The following BSN variants were observed in gnomAD, a reference collection of about 807,000 sequenced individuals.
BSN encodes protein bassoon.
Under a neutral mutation model 264.8 loss-of-function variants are expected in BSN, and 57 were observed. The observed-to-expected ratio is 0.22, with a 90% CI of 0.17 to 0.27. The LOEUF (loss-of-function observed/expected upper bound fraction) is 0.27. Ranked by LOEUF, BSN falls within the 10% of genes least tolerant of loss-of-function variation. The pLI is 1.00. For synonymous variants in BSN, 2,059 were observed against 2,137.3 expected, an observed-to-expected ratio of 0.96 and a Z score of 1.01; for missense variants, 4,615 against 5,232.5, an observed-to-expected ratio of 0.88 and a Z score of 3.64.
In BSN at chr3:49,662,487, C is replaced by T; in HGVS notation, c.10642C>T (p.Pro3548Ser). The stretch of plus-strand genomic sequence containing the variant: ...TGTCCAGGAACATGTCAAGGACGGA[C>T]CTCGGGCCCACGCATATAAGCGTGA... Reference protein sequence around the residue: ...PDVQEHVKDGPRAHAYKREEG... With the variant: ...PDVQEHVKDGSRAHAYKREEG... Residue 3548 changes from proline to serine, a missense_variant, in exon 6 of 12, where the codon CCT (proline) becomes TCT (serine). Pro to Ser is a moderately conservative substitution (Grantham distance 74). This residue lies in a region of BSN where 3,415 missense variants were observed against 3,866.4 expected (regional missense o/e 0.88). Coordinates refer to ENST00000296452, the MANE Select transcript of BSN (RefSeq NM_003458.4). 1 of 1,613,570 alleles carries T rather than the reference C, an allele frequency of 6.2e-7. No individual in the cohort carries two copies. Among genetic ancestry groups the T allele is most frequent in the Non-Finnish European group, 8.5e-7 (1 of 1,179,976 alleles).
chr3:49,579,136 C>T (rs1400227837), intron 1 of BSN, among the ~76,000 whole-genome samples: 3 of 151,834 alleles, frequency 2.0e-5, no homozygotes, highest in African/African-American at 7.3e-5. Flanking sequence ...TACAGGCATG[C>T]ACCACCATGC....
chr3:49,587,590 G>GA (rs2051945982), intron 1 of BSN, among the ~76,000 whole-genome samples: 1 of 152,236 alleles, frequency 6.6e-6, no homozygotes, highest in African/African-American at 2.4e-5. Flanking sequence ...GAGCAGGCTA[G>GA]AGCAAGCAGC....
rs769940614 is a variant in BSN, at chr3:49,658,084, T to C, written c.8528T>C (p.Met2843Thr). Reference sequence around the variant, plus strand: ...CGCCAGCAGACGCTGCCTCGCCCCATGAAGACCCTGCAGCGGTCCCTGTCT... The same window carrying C: ...CGCCAGCAGACGCTGCCTCGCCCCACGAAGACCCTGCAGCGGTCCCTGTCT... Reference protein sequence around the residue: ...ALRQQTLPRPMKTLQRSLSDP... With the variant: ...ALRQQTLPRPTKTLQRSLSDP... The change falls in exon 5 of 12, where the codon ATG becomes ACG. Residue 2843 changes from methionine to threonine, a missense_variant. Physicochemically the swap from Met to Thr is moderately conservative, Grantham distance 81. Coordinates refer to ENST00000296452, the MANE Select transcript of BSN (RefSeq NM_003458.4). 96 of 1,613,156 alleles carry C rather than the reference T, an allele frequency of 6.0e-5. No homozygotes were observed. Among genetic ancestry groups the C allele is most frequent in the Non-Finnish European group, 7.8e-5 (92 of 1,179,972 alleles).
At position 49,653,362 on chromosome 3, in the gene BSN, G is replaced by A. The variant is rs1172278259; in HGVS notation, c.3806G>A (p.Arg1269His). ...EILQTSQSIVRMRQASSRDLA... is the reference protein window; with the variant it reads ...EILQTSQSIVHMRQASSRDLA... ...CTTCAGACATCACAGAGCATAGTCCGCATGCGGCAGGCCTCCTCACGAGAC... is the reference window on the plus strand; with the variant it reads ...CTTCAGACATCACAGAGCATAGTCCACATGCGGCAGGCCTCCTCACGAGAC... The change falls in exon 5 of 12, where the codon CGC (arginine) becomes CAC (histidine). Residue 1269 changes from arginine (R) to histidine (H), a missense_variant. By Grantham distance (29) the Arg-to-His change is conservative. Transcript: ENST00000296452. This position sits in a 1 kb window ranked among gnomAD's most constrained non-coding sequence, Gnocchi z 6.3. 38 of 1,613,080 alleles carry A rather than the reference G, an allele frequency of 2.4e-5. 1 individual carries two copies. The highest frequency in any genetic ancestry group is 3.3e-5 in the Admixed American group (2 of 59,950).
intron 1 of BSN, among the ~76,000 whole-genome samples, chr3:49,611,012 G>A (rs2052202585): frequency 6.6e-6 from 1 of 152,186 alleles, no homozygotes; most frequent in Non-Finnish European, 1.5e-5. Context: ...ATGTGTCCAG[G>A]CAGCCCCTAA....
rs191676390 is a variant in BSN at position 49,668,117 on chromosome 3, T to C, written c.*632T>C. The C allele has an allele frequency of 6.5e-6, 1 of 152,738 alleles. No homozygotes were observed. The highest frequency in any genetic ancestry group is 2.4e-5 in the African/African-American group (1 of 41,546). The allele number at this position is 152,738 out of a possible 1,614,324, so 9.5% of individuals were successfully genotyped here. A position where few individuals can be genotyped will look rare whatever the true frequency, so the allele number is the denominator to read the frequency against. On this transcript the variant is annotated 3_prime_UTR_variant, in exon 12 of 12. Coordinates refer to ENST00000296452, the MANE Select transcript of BSN (RefSeq NM_003458.4). The stretch of plus-strand genomic sequence containing the variant: ...CCATGTGGCCAGGGGTTGGGAGAAC[T>C]TTACAAACATTAGGACCTAACACTG...
intron 1 of BSN, among the ~76,000 whole-genome samples, chr3:49,606,418 A>G (rs1200791465): frequency 7.7e-6 from 1 of 129,330 alleles, no homozygotes; most frequent in East Asian, 2.3e-4. Flanking sequence ...TTTCTCATTC[A>G]TATTGTTCTT....
Position 49,658,337 on chromosome 3 carries a change from A to G in BSN, c.8640+141A>G, listed in dbSNP as rs936787919. 7.6e-6 allele frequency: 8 copies of G among 1,055,870 alleles called. No homozygotes were observed. In the African/African-American group the frequency reaches 1.3e-4, roughly 17 times the overall value. 65.4% of individuals were successfully genotyped at this position (1,055,870 alleles called of 1,614,324 possible). On this transcript the variant is annotated intron_variant, in intron 5 of 11. Coordinates refer to ENST00000296452, the MANE Select transcript of BSN (RefSeq NM_003458.4). ...CCCAGGGGAAAGAGTCAATGAGCAG[A>G]TGCTCCCTGGTGCACATCTGAAAGA...
In BSN at chr3:49,654,915, C is replaced by T. The variant is rs1295262281; in HGVS notation, c.5359C>T (p.Arg1787Ter). 6.2e-7 allele frequency: 1 copy of T among 1,612,000 alleles called. No individual in the cohort carries two copies. The change falls in exon 5 of 12, where the codon CGA becomes TGA. Residue 1787 changes from arginine (R) to a stop codon, truncating the protein, a stop_gained. Coordinates refer to ENST00000296452, the MANE Select transcript of BSN (RefSeq NM_003458.4). LOFTEE classifies it high-confidence loss of function. The surrounding 1 kb of genome is among the most constrained non-coding windows in gnomAD (Gnocchi z 4.1). ...GCAGGCTGTCCAGACAGCCCCATAC[C>T]GAAGTGGGCCCCGGGGAAGACCCAG... The part of the protein sequence containing the change: ...VEQAVQTAPY[R>*]SGPRGRPREA...
chr3:49,666,405 T>G (rs1448581431), intron 11 of BSN, among the ~76,000 whole-genome samples: 1 of 152,246 alleles, frequency 6.6e-6, no homozygotes, highest in Non-Finnish European at 1.5e-5. Flanking sequence ...CAGGCACTCT[T>G]CCAGGATCTG....
intron 1 of BSN, among the ~76,000 whole-genome samples, chr3:49,556,569 C>T (rs1220140507): frequency 6.6e-6 from 1 of 152,176 alleles, no homozygotes; most frequent in Admixed American, 6.5e-5. Flanking sequence ...GACTATCAGA[C>T]TCAGGAGGTG....
At chr3:49,622,719 A>G (rs1351947024) in intron 1 of BSN, among the ~76,000 whole-genome samples, 4 of 152,192 alleles carry the variant, frequency 2.6e-5, no homozygotes, top group Non-Finnish European at 5.9e-5. Context: ...AAATGAAACT[A>G]TTAATTTGGA....
chr3:49,651,959 G>A lies in BSN; in HGVS notation c.2403G>A (p.Glu801=). ...GGAGAGAGCAGCAGGACACTGCCGA[G>A]TCCTCAGACGACTTTGGCAGCCAAT... The part of the protein sequence containing the change: ...RRRREQQDTA[E]SSDDFGSQLR... The change falls in exon 5 of 12, where the codon GAG becomes GAA. Residue 801 remains glutamate (E), a synonymous_variant. Transcript: ENST00000296452. This position sits in a 1 kb window ranked among gnomAD's most constrained non-coding sequence, Gnocchi z 5.4. 6.2e-7 allele frequency: 1 copy of A among 1,613,402 alleles called. No homozygotes were observed. The highest frequency in any genetic ancestry group is 8.5e-7 in the Non-Finnish European group (1 of 1,179,718).
chr3:49,658,302 G>T (rs1344204740), intron 5 of BSN, 106 bp downstream of exon 5: 2 of 1,309,992 alleles, frequency 1.5e-6, no homozygotes, highest in African/African-American at 1.5e-5. Flanking sequence ...GGCATCTCTG[G>T]CCCCAGAGGC....
rs2052545891 is a variant in BSN, at chr3:49,652,058, A to G, written c.2502A>G (p.Ala834=). ...SPLPPQPPAR[A]AELTDEDFMR... ...TTCCACCCCAGCCCCCAGCCCGGGC[A>G]GCAGAACTGACTGATGAGGATTTCA... The change falls in exon 5 of 12, where the codon GCA becomes GCG. Residue 834 remains alanine, a synonymous_variant. Coordinates refer to ENST00000296452, the MANE Select transcript of BSN (RefSeq NM_003458.4). The G allele has an allele frequency of 1.9e-6, 3 of 1,609,726 alleles. No homozygotes were observed. Among genetic ancestry groups the G allele is most frequent in the Non-Finnish European group, 2.5e-6 (3 of 1,177,024 alleles).
intron 3 of BSN, among the ~76,000 whole-genome samples, chr3:49,647,503 G>A (rs1051927189): frequency 2.0e-5 from 3 of 152,200 alleles, no homozygotes; most frequent in African/African-American, 7.2e-5. Context: ...AAGAGGCCAG[G>A]CGAAGGGGTA....
At position 49,606,848 on chromosome 3, in the gene BSN, G is replaced by A. The variant is rs916741905; in HGVS notation, c.225-18127G>A. On this transcript the variant is annotated intron_variant, in intron 1 of 11. Coordinates refer to ENST00000296452, the MANE Select transcript of BSN (RefSeq NM_003458.4). ...TATTATTTGCAGGCTGGGCACGGTG[G>A]CTCACACCTGTAATCCCAGCACTTT... 3.9e-5 allele frequency among the ~76,000 whole-genome samples: 6 copies of A among 152,158 alleles called. No individual in the cohort carries two copies. The South Asian group carries it at 1.2e-3, about 32-fold the overall frequency.
intron 1 of BSN, among the ~76,000 whole-genome samples, chr3:49,559,797 C>G (rs35999162): frequency 0.28 from 42,902 of 152,076 alleles, 6,612 homozygotes; most frequent in Middle Eastern, 0.31. Context: ...CCATGTTTTT[C>G]TTGTAAACTG....
intron 3 of BSN, among the ~76,000 whole-genome samples, chr3:49,645,878 A>G (rs1379725525): frequency 6.6e-6 from 1 of 152,200 alleles, no homozygotes; most frequent in Non-Finnish European, 1.5e-5. Flanking sequence ...TGGGTCTGCC[A>G]TGGCTGTCTC....
Sources: allele counts gnomAD v4.1 joint callset (sites outside exome capture counted in the v4.1 genomes callset), GRCh38; gene constraint gnomAD v4.1.1; regional missense constraint gnomAD v4.1.1; non-coding constraint Gnocchi (gnomAD v3.1); transcripts MANE v1.5; gene names NCBI Gene and HGNC (gene_info 2026-07-23, HGNC 2026-07-21).